HNF4G: variants seen among roughly 807,000 people sequenced by gnomAD.
HNF4G encodes hepatocyte nuclear factor 4 gamma.
Under a neutral mutation model 50.9 loss-of-function variants are expected in HNF4G, and 21 were observed. The observed-to-expected ratio is 0.41, with a 90% CI of 0.29 to 0.59. HNF4G has a LOEUF of 0.59. HNF4G is among the 20% of genes least tolerant of loss of function. HNF4G has a pLI of 0.26. For synonymous variants in HNF4G, 198 were observed against 185.6 expected (o/e 1.07, Z -0.54); for missense variants, 527 against 559.4 (o/e 0.94, Z 0.58).
intron 2 of HNF4G, among the ~76,000 whole-genome samples, chr8:75,496,219 C>T (rs557405617): frequency 1.2e-4 from 18 of 151,938 alleles, no homozygotes; most frequent in Admixed American, 1.0e-3. Context: ...CAAAATTTAC[C>T]GTAAAATGTA....
intron 6 of HNF4G, among the ~76,000 whole-genome samples, chr8:75,557,478 G>A (rs1477232269): frequency 1.3e-5 from 2 of 152,084 alleles, no homozygotes; most frequent in Non-Finnish European, 2.9e-5. Context: ...AAAATTAACT[G>A]GGCGTGGTGG....
intron 5 of HNF4G, 137 bp from the exon 6 acceptor site, chr8:75,555,845 G>A: frequency 2.3e-6 from 1 of 426,794 alleles, no homozygotes; most frequent in Non-Finnish European, 4.2e-6. Flanking sequence ...CTTAATGATG[G>A]CATGTATCTA....
At chr8:75,513,195 G>A (rs1276483813) in intron 2 of HNF4G, among the ~76,000 whole-genome samples, 3 of 151,836 alleles carry the variant, frequency 2.0e-5, no homozygotes, top group South Asian at 2.1e-4. Flanking sequence ...CTACCACCAC[G>A]CCCAGCTAAT....
chr8:75,536,609 C>A (rs2943542), upstream of HNF4G, among the ~76,000 whole-genome samples: 14,029 of 151,924 alleles, frequency 0.092, 902 homozygotes, highest in African/African-American at 0.18. Flanking sequence ...ATAAAAAAAA[C>A]CGGTAACTGT....
chr8:75,506,231 G>A (rs757426508), intron 2 of HNF4G, among the ~76,000 whole-genome samples: 18 of 151,924 alleles, frequency 1.2e-4, no homozygotes, highest in Non-Finnish European at 2.5e-4. Context: ...GTGATTTTAA[G>A]AATCTGAAAT....
chr8:75,463,589 A>G (rs535405757), intron 1 of HNF4G, among the ~76,000 whole-genome samples: 1 of 151,986 alleles, frequency 6.6e-6, no homozygotes, highest in East Asian at 1.9e-4. Flanking sequence ...AATATGGGTA[A>G]GCATTCATTT....
Position 75,559,012 on chromosome 8 carries a change from T to C in HNF4G, c.1098T>C (p.Asn366=), listed in dbSNP as rs143897221. The part of the protein sequence containing the change: ...VKLFGMVKID[N]LLQEMLLGGA... The stretch of plus-strand genomic sequence containing the variant: ...TTTTTGGGATGGTTAAAATTGACAA[T>C]CTACTTCAGGAAATGCTATTAGGTG... Residue 366 remains asparagine, a synonymous_variant, in exon 8 of 10, where the codon AAT becomes AAC. Transcript: ENST00000396423. 5,330 of 1,600,882 alleles carry C rather than the reference T, an allele frequency of 3.3e-3. 12 individuals are homozygous for C. Among genetic ancestry groups the C allele is most frequent in the Non-Finnish European group, 4.0e-3 (4,712 of 1,167,982 alleles).
chr8:75,561,930 T>C (rs780073392), intron 9 of HNF4G, among the ~76,000 whole-genome samples: 2 of 152,216 alleles, frequency 1.3e-5, no homozygotes, highest in Non-Finnish European at 2.9e-5. Context: ...TACAAATCTC[T>C]AATTATTTGA....
chr8:75,449,798 C>T (rs565064827), intron 1 of HNF4G, among the ~76,000 whole-genome samples: 24 of 152,176 alleles, frequency 1.6e-4, no homozygotes, highest in South Asian at 1.0e-3. Flanking sequence ...TGAGCCACCG[C>T]GCCCGGCCTA....
At chr8:75,454,262 G>T (rs776438308) in intron 1 of HNF4G, among the ~76,000 whole-genome samples, 2 of 152,074 alleles carry the variant, frequency 1.3e-5, no homozygotes, top group Non-Finnish European at 2.9e-5. Context: ...CTCAAGAACC[G>T]AGAGAAATAA....
chr8:75,428,362 A>G (rs1585834260), intron 1 of HNF4G, among the ~76,000 whole-genome samples: 1 of 152,304 alleles, frequency 6.6e-6, no homozygotes, highest in East Asian at 1.9e-4. Flanking sequence ...GATATATTTT[A>G]AAATTAAAAA....
At position 75,564,131 on chromosome 8, in the gene HNF4G, G is replaced by A. The variant is rs371242252; in HGVS notation, c.*35G>A. ...TACTTCAGAACGGCACTACATAAAT[G>A]TGAAAAGTTGTTGATCTTGAAATAT... On this transcript the variant is annotated 3_prime_UTR_variant, in exon 10 of 10. Coordinates refer to ENST00000396423, the MANE Select transcript of HNF4G (RefSeq NM_004133.5). The A allele has an allele frequency of 1.0e-5, 16 of 1,606,772 alleles. No homozygotes were observed. The highest frequency in any genetic ancestry group is 4.4e-5 in the South Asian group (4 of 90,374).
intron 2 of HNF4G, among the ~76,000 whole-genome samples, chr8:75,532,496 T>G (rs1806356144): frequency 6.6e-6 from 1 of 152,084 alleles, no homozygotes; most frequent in Non-Finnish European, 1.5e-5. Context: ...GCACCTTCTA[T>G]TCCAGTGCTT....
intron 1 of HNF4G, among the ~76,000 whole-genome samples, chr8:75,466,463 T>G (rs999844675): frequency 6.6e-6 from 1 of 152,030 alleles, no homozygotes; most frequent in Non-Finnish European, 1.5e-5. Flanking sequence ...TTGCTTGACT[T>G]GCTGACCTTT....
intron 1 of HNF4G, among the ~76,000 whole-genome samples, chr8:75,456,332 C>T (rs1219216330): frequency 6.6e-6 from 1 of 152,064 alleles, no homozygotes; most frequent in African/African-American, 2.4e-5. Context: ...GGTATATGGC[C>T]TGAGATGTAA....
At chr8:75,430,767 A>C (rs904266287) in intron 1 of HNF4G, among the ~76,000 whole-genome samples, 3 of 152,194 alleles carry the variant, frequency 2.0e-5, no homozygotes, top group African/African-American at 4.8e-5. Flanking sequence ...TAAAGGTCCC[A>C]CATAACTCTC....
chr8:75,434,912 C>T (rs948905405), intron 1 of HNF4G, among the ~76,000 whole-genome samples: 2 of 152,104 alleles, frequency 1.3e-5, no homozygotes, highest in Non-Finnish European at 2.9e-5. Context: ...AGGACTTGAA[C>T]CCATTGTCAA....
intron 2 of HNF4G, among the ~76,000 whole-genome samples, chr8:75,506,532 C>T (rs1395702068): frequency 1.3e-5 from 2 of 152,070 alleles, no homozygotes; most frequent in Admixed American, 1.3e-4. Context: ...AACAAACCAC[C>T]TCATTCTCAT....
intron 1 of HNF4G, among the ~76,000 whole-genome samples, chr8:75,461,441 A>AC (rs1404112567): frequency 2.6e-5 from 4 of 152,048 alleles, no homozygotes; most frequent in African/African-American, 9.6e-5. Flanking sequence ...TCCTTTAAGG[A>AC]CCCTTGCGAT....
Sources: allele counts gnomAD v4.1 joint callset (sites outside exome capture counted in the v4.1 genomes callset), GRCh38; gene constraint gnomAD v4.1.1; transcripts MANE v1.5; gene names NCBI Gene and HGNC (gene_info 2026-07-23, HGNC 2026-07-21).